Variants in KDM4C observed in about 807,000 individuals in gnomAD.
The protein encoded by KDM4C is lysine demethylase 4C.
In KDM4C, 81 loss-of-function variants were observed where a neutral mutation model predicts 129.3. The ratio of observed to expected loss-of-function variants is 0.63; its 90% confidence interval spans 0.52 to 0.75. KDM4C has a LOEUF of 0.75. Ranked by LOEUF, KDM4C falls within the 30% of genes least tolerant of loss-of-function variation. KDM4C has a pLI of 0.00. For missense variants in KDM4C, 1,457 were observed against 1,304.0 expected, an observed-to-expected ratio of 1.12 and a Z score of -1.81; for synonymous variants, 573 against 456.1, an observed-to-expected ratio of 1.26 and a Z score of -3.26.
intron 19 of KDM4C, among the ~76,000 whole-genome samples, chr9:7,135,797 T>C (rs7044800): frequency 0.98 from 149,812 of 152,348 alleles, 73,665 homozygotes; most frequent in East Asian, 1. Context: ...TTCGTCGGTG[T>C]CTACACTTTG....
intron 8 of KDM4C, among the ~76,000 whole-genome samples, chr9:6,919,507 C>G (rs1316129234): frequency 6.7e-6 from 1 of 150,058 alleles, no homozygotes. Context: ...GAAGAATTGC[C>G]TATATTTCAT....
intron 17 of KDM4C, among the ~76,000 whole-genome samples, chr9:7,052,274 T>A (rs941474536): frequency 1.3e-5 from 2 of 152,214 alleles, no homozygotes; most frequent in Non-Finnish European, 2.9e-5. Context: ...TAACATTACC[T>A]GTTCTTATGG....
In KDM4C at chr9:7,175,479, C is replaced by T. The variant is rs1041684577; in HGVS notation, c.*750C>T. ...ACACTTTTTTTCATAATACATATTCCGAGTAGATATTTATAAAATATATGT... is the reference window on the plus strand; with the variant it reads ...ACACTTTTTTTCATAATACATATTCTGAGTAGATATTTATAAAATATATGT... On this transcript the variant is annotated 3_prime_UTR_variant, in exon 22 of 22. Transcript: ENST00000381309. The T allele has an allele frequency of 2.0e-5, 3 of 152,232 alleles. No homozygotes were observed. The highest frequency in any genetic ancestry group is 1.3e-4 in the Admixed American group (2 of 15,242). The allele number at this position is 152,232 out of a possible 1,614,324, so 9.4% of individuals were successfully genotyped here.
intron 8 of KDM4C, among the ~76,000 whole-genome samples, chr9:6,913,201 A>G (rs2131104422): frequency 6.6e-6 from 1 of 152,190 alleles, no homozygotes; most frequent in East Asian, 1.9e-4. Context: ...TCTAGATAAT[A>G]TAACTTGATT....
intron 7 of KDM4C, among the ~76,000 whole-genome samples, chr9:6,892,421 A>G (rs961397788): frequency 1.3e-5 from 2 of 152,156 alleles, no homozygotes; most frequent in African/African-American, 4.8e-5. Context: ...TCTTTAATCT[A>G]AAAAATAGAA....
At chr9:7,048,739 ATTAGC>A (rs950526721) in intron 16 of KDM4C, among the ~76,000 whole-genome samples, 5 of 152,148 alleles carry the variant, frequency 3.3e-5, no homozygotes, top group African/African-American at 1.2e-4. Flanking sequence ...CCACATATTG[ATTAGC>A]TTAAGTACTT....
chr9:7,043,256 C>T (rs896164108), intron 15 of KDM4C, among the ~76,000 whole-genome samples: 4 of 151,938 alleles, frequency 2.6e-5, no homozygotes, highest in African/African-American at 9.7e-5. Context: ...AGTTTAATGA[C>T]TCAGTGTCTT....
chr9:6,996,416 C>G (rs763138051), intron 12 of KDM4C, among the ~76,000 whole-genome samples: 2 of 152,124 alleles, frequency 1.3e-5, no homozygotes, highest in Non-Finnish European at 2.9e-5. Context: ...GCATTTGTTT[C>G]CCAACATTTC....
intron 8 of KDM4C, among the ~76,000 whole-genome samples, chr9:6,909,439 G>C (rs1035975595): frequency 6.6e-6 from 1 of 152,272 alleles, no homozygotes; most frequent in Non-Finnish European, 1.5e-5. Flanking sequence ...ACATCCAGTG[G>C]CATTGTGCAT....
intron 17 of KDM4C, among the ~76,000 whole-genome samples, chr9:7,085,015 A>G (rs1834949371): frequency 6.6e-6 from 1 of 152,240 alleles, no homozygotes; most frequent in Non-Finnish European, 1.5e-5. Flanking sequence ...TTTAAGAACT[A>G]AAAGATCAGT....
intron 11 of KDM4C, among the ~76,000 whole-genome samples, chr9:6,988,659 TCCATCCATCCATCCATCCATC>T (rs1563940558): frequency 3.3e-5 from 5 of 150,450 alleles, no homozygotes; most frequent in South Asian, 2.1e-4. Flanking sequence ...TTTAAAGCCA[TCCATCCATCCATCCATCCATC>T]CATCCATCCA....
intron 18 of KDM4C, among the ~76,000 whole-genome samples, chr9:7,123,184 A>T (rs1473165666): frequency 1.3e-5 from 2 of 152,162 alleles, no homozygotes; most frequent in African/African-American, 2.4e-5. Context: ...TTTTCTAACC[A>T]GCCAATCTGC....
At chr9:7,010,913 G>A (rs1822563549) in intron 12 of KDM4C, among the ~76,000 whole-genome samples, 1 of 152,064 alleles carries the variant, frequency 6.6e-6, no homozygotes, top group African/African-American at 2.4e-5. Flanking sequence ...GCATGGTGGT[G>A]GGTGGCTGTA....
intron 8 of KDM4C, chr9:6,925,030 T>C: frequency 1.0e-6 from 1 of 985,380 alleles, no homozygotes; most frequent in Non-Finnish European, 1.2e-6. Flanking sequence ...AGTTCTGAAA[T>C]GAACCAGGTG....
chr9:7,126,750 T>A (rs543742592), intron 18 of KDM4C, among the ~76,000 whole-genome samples: 26 of 152,246 alleles, frequency 1.7e-4, no homozygotes, highest in Non-Finnish European at 3.1e-4. Flanking sequence ...CTAATGTCAC[T>A]GCCCCTCTAA....
chr9:7,097,700 A>C (rs1836607193), intron 17 of KDM4C, among the ~76,000 whole-genome samples: 1 of 152,130 alleles, frequency 6.6e-6, no homozygotes, highest in African/African-American at 2.4e-5. Flanking sequence ...TCGTCTCTTA[A>C]ATCTAGTAGT....
chr9:7,154,159 G>A (rs1465423853), intron 19 of KDM4C, among the ~76,000 whole-genome samples: 1 of 152,204 alleles, frequency 6.6e-6, no homozygotes, highest in Non-Finnish European at 1.5e-5. Context: ...GGAGAAGGGG[G>A]TTCCAAAGCT....
chr9:7,017,366 A>G (rs559294525), intron 15 of KDM4C, among the ~76,000 whole-genome samples: 1 of 152,318 alleles, frequency 6.6e-6, no homozygotes, highest in African/African-American at 2.4e-5. Context: ...AATATTTAAT[A>G]ACAAATGATC....
intron 1 of KDM4C, chr9:6,726,467 C>G (rs1817131363): frequency 6.6e-6 from 1 of 152,290 alleles, no homozygotes; most frequent in African/African-American, 2.4e-5. Flanking sequence ...CTGGCTATCA[C>G]CAGCTCAAAG....
Sources: allele counts gnomAD v4.1 joint callset (sites outside exome capture counted in the v4.1 genomes callset), GRCh38; gene constraint gnomAD v4.1.1; transcripts MANE v1.5; gene names NCBI Gene and HGNC (gene_info 2026-07-23, HGNC 2026-07-21).